VPS16: variants seen among roughly 807,000 people sequenced by gnomAD.
The protein encoded by VPS16 is VPS16 core subunit of CORVET and HOPS complexes, also known as vacuolar protein sorting-associated protein 16 homolog.
A neutral mutation model predicts 116.0 loss-of-function variants in VPS16; 82 were observed. The ratio of observed to expected loss-of-function variants is 0.71; its 90% CI spans 0.59 to 0.85. The LOEUF (loss-of-function observed/expected upper bound fraction) is 0.85. Among genes scored for constraint, VPS16 ranks in the 40% least tolerant of loss-of-function variants. The probability of loss-of-function intolerance (pLI) is 0.00; values close to 1 mark genes in which losing one functional copy is unlikely to be tolerated. For missense variants in VPS16, 928 were observed against 1,090.6 expected, an observed-to-expected ratio of 0.85 and a Z score of 2.10; for synonymous variants, 406 against 420.7, an observed-to-expected ratio of 0.96 and a Z score of 0.43.
chr20:2,860,411 C>T lies in VPS16; in HGVS notation c.370-38C>T, dbSNP rs755149640. On this transcript the variant is annotated intron_variant, in intron 4 of 23. Coordinates refer to ENST00000380445, the MANE Select transcript of VPS16 (RefSeq NM_022575.4). The surrounding 1 kb of genome is among the most constrained non-coding windows in gnomAD (Gnocchi z 6.1). ...TGGGGACGCGGGGTAGAGTTTATGA[C>T]CCTGTGGCTCCCTTAACCCATGGCC... 1 of 1,614,000 alleles carries T rather than the reference C, an allele frequency of 6.2e-7. No individual in the cohort carries two copies. Among genetic ancestry groups the T allele is most frequent in the Non-Finnish European group, 8.5e-7 (1 of 1,179,998 alleles).
Position 2,862,913 on chromosome 20 carries a change from G to A in VPS16, c.1310G>A (p.Gly437Glu). The change falls in exon 13 of 24, where the codon GGG (glycine) becomes GAG (glutamate). Residue 437 changes from glycine (G) to glutamate (E), a missense_variant. Transcript: ENST00000380445. ...VLNAVRDYHI[G>E]IPLTYSQYKQ... ...AATGCTGTTCGGGACTATCACATCG[G>A]GATCCCGCTCACCTATAGCCAGTAT... The A allele has an allele frequency of 6.2e-7, 1 of 1,614,060 alleles. No individual in the cohort carries two copies. Among genetic ancestry groups the A allele is most frequent in the Admixed American group, 1.7e-5 (1 of 60,020 alleles).
At position 2,850,118 on chromosome 20, in the gene VPS16, T is replaced by A. The variant is rs139034566; in HGVS notation, c.53+9291T>A. 4.9e-3 allele frequency among the ~76,000 whole-genome samples: 738 copies of A among 152,124 alleles called. 7 individuals are homozygous for A. Among genetic ancestry groups the A allele is most frequent in the African/African-American group, 0.017 (694 of 41,514 alleles). Reference sequence around the variant, plus strand: ...TGGTGGGTCAGCTGGGGTCAGGAGTTCGAGACCAGCCTGGCCAACATGGCA... The same window carrying A: ...TGGTGGGTCAGCTGGGGTCAGGAGTACGAGACCAGCCTGGCCAACATGGCA... On this transcript the variant is annotated intron_variant, in intron 1 of 23. Transcript: ENST00000380445.
Position 2,866,612 on chromosome 20 carries a change from C to T in VPS16, c.*38C>T, listed in dbSNP as rs1238862070. On this transcript the variant is annotated 3_prime_UTR_variant, in exon 24 of 24. Coordinates refer to ENST00000380445, the MANE Select transcript of VPS16 (RefSeq NM_022575.4). ...GTACATCTCAAGCAAGGGGTTCCTC[C>T]CCTAGCACCTGGGCTTGGCAGAAGG... 2 of 1,609,708 alleles carry T rather than the reference C, an allele frequency of 1.2e-6. No homozygotes were observed. Among genetic ancestry groups the T allele is most frequent in the Admixed American group, 1.7e-5 (1 of 59,786 alleles).
Position 2,865,193 on chromosome 20 carries a change from G to T in VPS16, c.2050G>T (p.Glu684Ter), listed in dbSNP as rs1293766664. The change falls in exon 21 of 24, where the codon GAA becomes TAA. Residue 684 changes from glutamate to a stop codon, truncating the protein, a stop_gained. Coordinates refer to ENST00000380445, the MANE Select transcript of VPS16 (RefSeq NM_022575.4). LOFTEE classifies it high-confidence loss of function. This position sits in a 1 kb window ranked among gnomAD's most constrained non-coding sequence, Gnocchi z 5.2. ...MRLLRLQRRL[E>*]DELGGQFLDL... ...GCTCCTACGGCTGCAGCGGCGCCTA[G>T]AAGACGAGCTGGGGGGCCAGTTCCT... The T allele has an allele frequency of 6.2e-7, 1 of 1,614,154 alleles. No homozygotes were observed. Among genetic ancestry groups the T allele is most frequent in the East Asian group, 2.2e-5 (1 of 44,880 alleles).
chr20:2,842,896 A>C (rs532086547), intron 1 of VPS16, among the ~76,000 whole-genome samples: 2 of 150,236 alleles, frequency 1.3e-5, no homozygotes, highest in African/African-American at 4.9e-5. Context: ...ATCGATAGAT[A>C]GATAGATATA....
intron 1 of VPS16, among the ~76,000 whole-genome samples, chr20:2,847,327 G>A (rs1312202323): frequency 6.6e-6 from 1 of 152,034 alleles, no homozygotes; most frequent in Non-Finnish European, 1.5e-5. Flanking sequence ...CACCTTCTAG[G>A]GAGACTTAAG....
At chr20:2,840,986 G>C in intron 1 of VPS16, 159 bp downstream of exon 1, 1 of 685,630 alleles carries the variant, frequency 1.5e-6, no homozygotes, top group South Asian at 1.9e-5. Flanking sequence ...CCGCCTTTGG[G>C]CAGGGAGCCG....
At chr20:2,851,346 C>T (rs933596681) in intron 1 of VPS16, among the ~76,000 whole-genome samples, 3 of 152,138 alleles carry the variant, frequency 2.0e-5, no homozygotes, top group Admixed American at 6.6e-5. Context: ...TGGTGGCTCA[C>T]GCCTGTAATC....
Position 2,859,683 on chromosome 20 carries a change from A to G in VPS16, c.54-36A>G, listed in dbSNP as rs771149660. 2.1e-5 allele frequency: 33 copies of G among 1,604,176 alleles called. No homozygotes were observed. In the South Asian group the frequency reaches 3.6e-4, roughly 18 times the overall value. On this transcript the variant is annotated intron_variant, in intron 1 of 23. Coordinates refer to ENST00000380445, the MANE Select transcript of VPS16 (RefSeq NM_022575.4). The stretch of plus-strand genomic sequence containing the variant: ...GGTTCACTCCATACGGATGCAGGGT[A>G]ATGAGGCTAATTTCTGCTCATCTCT...
At position 2,860,792 on chromosome 20, in the gene VPS16, C is replaced by T. The variant is rs754351705; in HGVS notation, c.559C>T (p.Arg187Ter). The T allele has an allele frequency of 3.7e-6, 6 of 1,614,058 alleles. No individual in the cohort carries two copies. Among genetic ancestry groups the T allele is most frequent in the Non-Finnish European group, 5.1e-6 (6 of 1,180,042 alleles). ...PSCWTVLCQD[R>*]VAHILLAVGP... ...CTGCTGGACTGTGCTGTGCCAGGAC[C>T]GAGTGGCACACATTCTTCTGGCTGT... The change falls in exon 6 of 24, where the codon CGA becomes TGA. Residue 187 changes from arginine to a stop codon, truncating the protein, a stop_gained. Coordinates refer to ENST00000380445, the MANE Select transcript of VPS16 (RefSeq NM_022575.4). LOFTEE classifies it high-confidence loss of function. This position sits in a 1 kb window ranked among gnomAD's most constrained non-coding sequence, Gnocchi z 6.1.
chr20:2,841,236 G>A (rs534264472), intron 1 of VPS16: 316 of 222,258 alleles, frequency 1.4e-3, no homozygotes, highest in African/African-American at 6.9e-3. Context: ...GGGAAAAGGG[G>A]GCGAGTCGTC....
At chr20:2,866,034 C>G (rs1445248001) in intron 22 of VPS16, 178 bp from the exon 23 acceptor site, 1 of 626,080 alleles carries the variant, frequency 1.6e-6, no homozygotes, top group East Asian at 2.8e-5. Flanking sequence ...TGATTTCTGC[C>G]CTAAGAATGT....
intron 1 of VPS16, among the ~76,000 whole-genome samples, chr20:2,844,654 G>C (rs1297624972): frequency 6.6e-6 from 1 of 152,190 alleles, no homozygotes; most frequent in Non-Finnish European, 1.5e-5. Context: ...AATAACCTAA[G>C]AGAACATGTT....
At chr20:2,845,748 G>A (rs559300983) in intron 1 of VPS16, among the ~76,000 whole-genome samples, 11 of 152,060 alleles carry the variant, frequency 7.2e-5, no homozygotes, top group African/African-American at 2.7e-4. Context: ...CTGAAATTCT[G>A]TACCCTCAAA....
Position 2,866,537 on chromosome 20 carries a change from A to G in VPS16, c.2483A>G (p.Lys828Arg), listed in dbSNP as rs2089351072. The change falls in exon 24 of 24, where the codon AAG (lysine) becomes AGG (arginine). Residue 828 changes from lysine to arginine, a missense_variant. By Grantham distance (26) the Lys-to-Arg change is conservative. Coordinates refer to ENST00000380445, the MANE Select transcript of VPS16 (RefSeq NM_022575.4). ...GCCACAGATGGGGCCACAGCTGACA[A>G]GATTCAACGGGCCAGGGCACAAGCC... Reference protein sequence around the residue: ...TGATDGATADKIQRARAQAQK... With the variant: ...TGATDGATADRIQRARAQAQK... 1.9e-6 allele frequency: 3 copies of G among 1,614,208 alleles called. No homozygotes were observed. The highest frequency in any genetic ancestry group is 2.2e-5 in the East Asian group (1 of 44,880).
intron 1 of VPS16, among the ~76,000 whole-genome samples, chr20:2,857,307 A>G (rs1377386370): frequency 6.6e-6 from 1 of 152,144 alleles, no homozygotes; most frequent in Non-Finnish European, 1.5e-5. Flanking sequence ...CAGTTTGTGC[A>G]TTACCCTTCC....
At chr20:2,856,779 C>G (rs1387727345) in intron 1 of VPS16, among the ~76,000 whole-genome samples, 1 of 152,186 alleles carries the variant, frequency 6.6e-6, no homozygotes, top group Non-Finnish European at 1.5e-5. Flanking sequence ...ATTCTGAGAT[C>G]TTTTCCTAGA....
chr20:2,844,578 C>T (rs370859089), intron 1 of VPS16, among the ~76,000 whole-genome samples: 8 of 152,068 alleles, frequency 5.3e-5, no homozygotes, highest in African/African-American at 1.2e-4. Context: ...AGCCAGCAGG[C>T]GAGACAGTTG....
intron 1 of VPS16, among the ~76,000 whole-genome samples, chr20:2,841,606 G>A (rs1438512376): frequency 6.6e-6 from 1 of 152,142 alleles, no homozygotes; most frequent in African/African-American, 2.4e-5. Context: ...GTAGTTCAAG[G>A]GTTCTTTCTG....
Sources: allele counts gnomAD v4.1 joint callset (sites outside exome capture counted in the v4.1 genomes callset), GRCh38; gene constraint gnomAD v4.1.1; non-coding constraint Gnocchi (gnomAD v3.1); transcripts MANE v1.5; gene names NCBI Gene and HGNC (gene_info 2026-07-23, HGNC 2026-07-21).